The following TCF7L1 variants were observed in gnomAD, a reference collection of about 807,000 sequenced individuals.
TCF7L1 encodes the protein transcription factor 7-like 1.
Under a neutral mutation model 63.7 loss-of-function variants are expected in TCF7L1, and 18 were observed. The observed-to-expected ratio is 0.28, with a 90% CI of 0.20 to 0.42. TCF7L1 has a LOEUF of 0.42. Ranked by LOEUF, TCF7L1 falls within the 10% of genes least tolerant of loss-of-function variation. TCF7L1 has a pLI of 1.00. For missense variants in TCF7L1, 654 were observed against 779.3 expected, an observed-to-expected ratio of 0.84 and a Z score of 1.91; for synonymous variants, 355 against 340.9, an observed-to-expected ratio of 1.04 and a Z score of -0.46.
At chr2:85,268,653 G>A (rs1197986696) in intron 3 of TCF7L1, among the ~76,000 whole-genome samples, 1 of 151,820 alleles carries the variant, frequency 6.6e-6, no homozygotes, top group Non-Finnish European at 1.5e-5. Context: ...TGTTGGCCAG[G>A]CTGGTGTCGA....
At chr2:85,211,925 A>G (rs1253035872) in intron 3 of TCF7L1, among the ~76,000 whole-genome samples, 1 of 152,036 alleles carries the variant, frequency 6.6e-6, no homozygotes, top group Non-Finnish European at 1.5e-5. Flanking sequence ...CCCCATCTCT[A>G]GTAAAAATAC....
intron 8 of TCF7L1, among the ~76,000 whole-genome samples, chr2:85,305,997 C>T (rs1682098959): frequency 6.6e-6 from 1 of 152,132 alleles, no homozygotes; most frequent in African/African-American, 2.4e-5. Context: ...AGTAGATTTT[C>T]AAAGAATCTG....
At position 85,133,903 on chromosome 2, in the gene TCF7L1, G is replaced by C; in HGVS notation, c.219G>C (p.Ser73=). The C allele has an allele frequency of 1.3e-6, 2 of 1,523,182 alleles. No homozygotes were observed. The highest frequency in any genetic ancestry group is 1.8e-6 in the Non-Finnish European group (2 of 1,132,240). 94.4% of individuals were successfully genotyped at this position (1,523,182 alleles called of 1,614,324 possible). A position where few individuals can be genotyped will look rare whatever the true frequency, so the allele number is the denominator to read the frequency against. ...TCAAGTCGTCCCTGGTCAACGAGTC[G>C]GAGAACCAGAGCAGCAGCTCGGACT... The part of the protein sequence containing the change: ...DEVKSSLVNE[S]ENQSSSSDSE... Residue 73 remains serine, a synonymous_variant, in exon 1 of 12, where the codon TCG becomes TCC. Transcript: ENST00000282111. The surrounding 1 kb of genome is among the most constrained non-coding windows in gnomAD (Gnocchi z 4.4).
chr2:85,289,221 A>AGTGTGTGTGTGTGTGTGTGTGT (rs10701623), intron 4 of TCF7L1, among the ~76,000 whole-genome samples: 2 of 146,422 alleles, frequency 1.4e-5, no homozygotes, highest in Non-Finnish European at 3.0e-5. Context: ...TTCAGTCTGG[A>AGTGTGTGTGTGTGTGTGTGTGT]GTGTGTGTGT....
chr2:85,232,880 A>G (rs1573002111), intron 3 of TCF7L1: 1 of 152,184 alleles, frequency 6.6e-6, no homozygotes. Context: ...TGGCAGGTGT[A>G]ACTTCAGAGA....
chr2:85,236,172 C>A (rs543604540), intron 3 of TCF7L1, among the ~76,000 whole-genome samples: 10 of 134,568 alleles, frequency 7.4e-5, no homozygotes, highest in South Asian at 2.1e-4. Context: ...CATCCCCCCC[C>A]CAAAAAAAAC....
intron 3 of TCF7L1, among the ~76,000 whole-genome samples, chr2:85,186,981 A>G (rs1678941262): frequency 1.3e-5 from 2 of 152,180 alleles, no homozygotes; most frequent in African/African-American, 4.8e-5. Flanking sequence ...AAATGTCTGC[A>G]CATGTTGGCT....
At chr2:85,289,367 A>G (rs1007037984) in intron 4 of TCF7L1, among the ~76,000 whole-genome samples, 1 of 152,214 alleles carries the variant, frequency 6.6e-6, no homozygotes, top group African/African-American at 2.4e-5. Flanking sequence ...CAGGAGACAA[A>G]TAATCCAGAT....
At chr2:85,254,768 A>G (rs1031984728) in intron 3 of TCF7L1, among the ~76,000 whole-genome samples, 3 of 152,126 alleles carry the variant, frequency 2.0e-5, no homozygotes, top group African/African-American at 7.2e-5. Flanking sequence ...CCTGTCTGGC[A>G]TTAGTACTAA....
chr2:85,228,402 C>G (rs897476829), intron 3 of TCF7L1, among the ~76,000 whole-genome samples: 1 of 152,110 alleles, frequency 6.6e-6, no homozygotes, highest in African/African-American at 2.4e-5. Context: ...GCCTGGGTAA[C>G]AGAGTGACAC....
chr2:85,242,425 C>T (rs1415242641), intron 3 of TCF7L1, among the ~76,000 whole-genome samples: 3 of 152,240 alleles, frequency 2.0e-5, no homozygotes, highest in Non-Finnish European at 4.4e-5. Context: ...GGTCCTCCAT[C>T]ACCTTGAGGT....
chr2:85,137,985 G>T (rs913114352), intron 3 of TCF7L1, among the ~76,000 whole-genome samples: 4 of 151,804 alleles, frequency 2.6e-5, no homozygotes, highest in Admixed American at 1.3e-4. Context: ...GAGCCAAAAA[G>T]AAAATGTTGA....
rs531826723 is a variant in TCF7L1 at position 85,157,477 on chromosome 2, G to A, written c.441+23027G>A. 3.9e-5 allele frequency among the ~76,000 whole-genome samples: 6 copies of A among 152,314 alleles called. No individual in the cohort carries two copies. In the South Asian group the frequency reaches 1.2e-3, roughly 32 times the overall value. Reference sequence around the variant, plus strand: ...CAAGATCCTTGCCTGAGGCCATTCAGCAAGCCTGGGGCAGGGACTGGCTTG... The same window carrying A: ...CAAGATCCTTGCCTGAGGCCATTCAACAAGCCTGGGGCAGGGACTGGCTTG... On this transcript the variant is annotated intron_variant, in intron 3 of 11. Coordinates refer to ENST00000282111, the MANE Select transcript of TCF7L1 (RefSeq NM_031283.3).
rs750002994 is a variant in TCF7L1, at chr2:85,153,340, A to ATGTTTTTTTTTTTTTTT, written c.441+18891_441+18892insGTTTTTTTTTTTTTTTT. Among the ~76,000 whole-genome samples the ATGTTTTTTTTTTTTTTT allele has an allele frequency of 4.9e-5, 5 of 102,304 alleles. 1 individual carries two copies. Among genetic ancestry groups the ATGTTTTTTTTTTTTTTT allele is most frequent in the Non-Finnish European group, 9.1e-5 (5 of 55,236 alleles). The allele number at this position is 102,304 out of a possible 152,430, so 67.1% of individuals were successfully genotyped here. ...TTCATGATCTTGCTAGCCTTTATAA[A>ATGTTTTTTTTTTTTTTT]TTTTTTTTTTTTTTTTTTTGAGATG... On this transcript the variant is annotated intron_variant, in intron 3 of 11. Transcript: ENST00000282111.
Position 85,306,649 on chromosome 2 carries a change from TTTTA to T in TCF7L1, c.1257+98_1257+101del. On this transcript the variant is annotated intron_variant, in intron 10 of 11. Coordinates refer to ENST00000282111, the MANE Select transcript of TCF7L1 (RefSeq NM_031283.3). This position sits in a 1 kb window ranked among gnomAD's most constrained non-coding sequence, Gnocchi z 4.3. ...GGTGAAGGAAAGCAACTGCATTTAT[TTTTA>T]TTTATTTTATTTTCTTTTATTTTTT... 2 of 979,324 alleles carry T rather than the reference TTTTA, an allele frequency of 2.0e-6. No individual in the cohort carries two copies. Among genetic ancestry groups the T allele is most frequent in the Non-Finnish European group, 3.0e-6 (2 of 664,902 alleles). 60.7% of individuals were successfully genotyped at this position (979,324 alleles called of 1,614,324 possible). A position where few individuals can be genotyped will look rare whatever the true frequency, so the allele number is the denominator to read the frequency against.
Position 85,303,967 on chromosome 2 carries a change from T to TCCCCCCCCC in TCF7L1, c.736_737insCCCCCCCCC (p.Pro245_His246insProProPro). ...CTCTCTCCCGGAGCTGTCGGACAAA[T>TCCCCCCCCC]CCCCCACCCCCTCGGCTGGCTCGTC... On this transcript the variant is annotated inframe_insertion, in exon 6 of 12. Transcript: ENST00000282111. 4 of 1,610,062 alleles carry TCCCCCCCCC rather than the reference T, an allele frequency of 2.5e-6. No individual in the cohort carries two copies. Among genetic ancestry groups the TCCCCCCCCC allele is most frequent in the South Asian group, 1.1e-5 (1 of 90,806 alleles).
intron 3 of TCF7L1, among the ~76,000 whole-genome samples, chr2:85,260,864 T>A (rs1474027058): frequency 1.3e-5 from 2 of 152,154 alleles, no homozygotes; most frequent in Admixed American, 1.3e-4. Context: ...AGCAGCAACA[T>A]CCTAAAATAG....
At chr2:85,185,762 C>T (rs368903995) in intron 3 of TCF7L1, among the ~76,000 whole-genome samples, 4 of 152,114 alleles carry the variant, frequency 2.6e-5, no homozygotes, top group African/African-American at 9.6e-5. Flanking sequence ...ACGCCTGTGG[C>T]GGGTTTTTGT....
chr2:85,266,755 T>C (rs1240900784), intron 3 of TCF7L1, among the ~76,000 whole-genome samples: 1 of 152,272 alleles, frequency 6.6e-6, no homozygotes, highest in Non-Finnish European at 1.5e-5. Context: ...GTTTTATGAC[T>C]TCTCAGATTG....
Sources: gnomAD v4.1 joint callset for allele counts (sites outside exome capture counted in the v4.1 genomes callset) on GRCh38, gnomAD v4.1.1 for gene constraint, Gnocchi (gnomAD v3.1) non-coding constraint, MANE v1.5 for transcripts, NCBI Gene and HGNC (gene_info 2026-07-23, HGNC 2026-07-21) for gene names.